Variants in CSMD1 observed in about 807,000 individuals in gnomAD.
CSMD1 encodes the protein CUB and sushi domain-containing protein 1.
In CSMD1, 213 loss-of-function variants were observed where a neutral mutation model predicts 417.5. That is an observed-to-expected ratio of 0.51 (90% CI 0.46 to 0.57). The LOEUF is 0.57. CSMD1 is among the 20% of genes least tolerant of loss of function. The probability of loss-of-function intolerance (pLI) is 0.00; values close to 1 mark genes in which losing one functional copy is unlikely to be tolerated. For missense variants in CSMD1, 6,923 were observed against 4,529.7 expected (o/e 1.53, Z -15.17); for synonymous variants, 2,862 against 1,736.8 (o/e 1.65, Z -16.11).
chr8:4,549,833 G>T (rs1797788780), intron 2 of CSMD1, among the ~76,000 whole-genome samples: 1 of 137,656 alleles, frequency 7.3e-6, no homozygotes, highest in African/African-American at 2.7e-5. Context: ...GGAGGCAGAG[G>T]TTGCAATGAG....
chr8:3,654,526 T>C (rs1447717486), intron 7 of CSMD1, among the ~76,000 whole-genome samples: 1 of 152,130 alleles, frequency 6.6e-6, no homozygotes. Flanking sequence ...TTAGGAGAAC[T>C]TACAAATAAG....
In CSMD1 at chr8:3,838,196, T is replaced by C. The variant is rs1253783730; in HGVS notation, c.819-84154A>G. On this transcript the variant is annotated intron_variant, in intron 5 of 69. Coordinates refer to ENST00000635120, the MANE Select transcript of CSMD1 (RefSeq NM_033225.6). ...GAATCAGACACAGACCCTGCCTTCCTATGGATAGATAACTATGACAGAAAT... is the reference window on the plus strand; with the variant it reads ...GAATCAGACACAGACCCTGCCTTCCCATGGATAGATAACTATGACAGAAAT... Among the ~76,000 whole-genome samples, 5 of 152,006 alleles carry C rather than the reference T, an allele frequency of 3.3e-5. 1 individual carries two copies. The highest frequency in any genetic ancestry group is 3.3e-4 in the Admixed American group (5 of 15,220).
At chr8:4,779,922 C>A (rs2117184155) in intron 1 of CSMD1, among the ~76,000 whole-genome samples, 2 of 151,266 alleles carry the variant, frequency 1.3e-5, no homozygotes, top group South Asian at 2.1e-4. Flanking sequence ...TTTTTTTCTC[C>A]AATAAGAAAA....
chr8:4,730,733 T>C (rs1362190550), intron 1 of CSMD1, among the ~76,000 whole-genome samples: 1 of 149,990 alleles, frequency 6.7e-6, no homozygotes, highest in East Asian at 1.9e-4. Flanking sequence ...AGAGCGAGAC[T>C]CCATTTCAAA....
At chr8:4,117,177 T>C (rs568317506) in intron 3 of CSMD1, among the ~76,000 whole-genome samples, 42 of 152,078 alleles carry the variant, frequency 2.8e-4, no homozygotes, top group Non-Finnish European at 5.7e-4. Flanking sequence ...CTGAGTATTA[T>C]TCATCTCGAT....
chr8:3,700,265 A>T lies in CSMD1; in HGVS notation c.1009+8149T>A, dbSNP rs1379114891. ...CCCAATAACTTATGGAAAAAATACG[A>T]AAAATAATTTTTTACAAAAGAAAAT... On this transcript the variant is annotated intron_variant, in intron 7 of 69. Transcript: ENST00000635120. Among the ~76,000 whole-genome samples, 4 of 152,318 alleles carry T rather than the reference A, an allele frequency of 2.6e-5. No individual in the cohort carries two copies. In the East Asian group the frequency reaches 7.7e-4, roughly 29 times the overall value.
intron 17 of CSMD1, among the ~76,000 whole-genome samples, chr8:3,394,037 T>C (rs1346296711): frequency 1.0e-5 from 1 of 97,420 alleles, no homozygotes; most frequent in Non-Finnish European, 2.3e-5. Context: ...TATATATATA[T>C]ATATATATAT....
At chr8:3,524,006 C>T (rs952449356) in intron 10 of CSMD1, among the ~76,000 whole-genome samples, 4 of 148,022 alleles carry the variant, frequency 2.7e-5, no homozygotes, top group South Asian at 2.2e-4. Context: ...CACATATGCA[C>T]ACATGTGCAC....
At chr8:3,403,151 G>A (rs1179998946) in intron 15 of CSMD1, among the ~76,000 whole-genome samples, 2 of 152,092 alleles carry the variant, frequency 1.3e-5, no homozygotes, top group East Asian at 3.9e-4. Context: ...ATTTGTTAAG[G>A]TTCACTTTGT....
At chr8:3,819,643 G>A (rs534496046) in intron 5 of CSMD1, among the ~76,000 whole-genome samples, 5 of 152,000 alleles carry the variant, frequency 3.3e-5, no homozygotes, top group African/African-American at 9.7e-5. Flanking sequence ...GAGTACAGTG[G>A]AGCAATCATG....
chr8:4,619,528 C>T (rs1458669882), intron 2 of CSMD1, among the ~76,000 whole-genome samples: 5 of 152,074 alleles, frequency 3.3e-5, no homozygotes, highest in African/African-American at 4.8e-5. Context: ...TGAGTCCAAA[C>T]GTTTTGCTAA....
intron 1 of CSMD1, among the ~76,000 whole-genome samples, chr8:4,917,548 C>T (rs1410305485): frequency 2.0e-5 from 3 of 152,156 alleles, no homozygotes; most frequent in Admixed American, 6.5e-5. Context: ...GCAGGAGAAT[C>T]GCTTGAACCC....
intron 26 of CSMD1, among the ~76,000 whole-genome samples, chr8:3,267,551 G>C (rs1801525397): frequency 6.6e-6 from 1 of 152,172 alleles, no homozygotes; most frequent in South Asian, 2.1e-4. Context: ...GGGCCAGGGA[G>C]CTTCCAGCAC....
At chr8:3,606,118 C>T (rs764295069) in intron 8 of CSMD1, among the ~76,000 whole-genome samples, 11 of 152,136 alleles carry the variant, frequency 7.2e-5, no homozygotes, top group Non-Finnish European at 1.5e-4. Context: ...CGGGAAATGA[C>T]AAGAAGCTGG....
In CSMD1 at chr8:3,359,293, G is replaced by A. The variant is rs1387717447; in HGVS notation, c.3163C>T (p.Arg1055Ter). 3 of 1,613,700 alleles carry A rather than the reference G, an allele frequency of 1.9e-6. No individual in the cohort carries two copies. The highest frequency in any genetic ancestry group is 2.5e-6 in the Non-Finnish European group (3 of 1,179,810). ...ACACCAAAGTGAAAACCAATTCTTCGGCTGAAGGCAGGGACTCCAGGATCA... is the reference window on the plus strand; with the variant it reads ...ACACCAAAGTGAAAACCAATTCTTCAGCTGAAGGCAGGGACTCCAGGATCA... ...CDDPGVPAFS[R>*]RIGFHFGVGD... The change falls in exon 21 of 70, where the codon CGA (arginine) becomes TGA (stop). Residue 1055 changes from arginine to a stop codon, truncating the protein, a stop_gained. Transcript: ENST00000635120. LOFTEE classifies it high-confidence loss of function.
intron 10 of CSMD1, among the ~76,000 whole-genome samples, chr8:3,522,965 A>G (rs1008268045): frequency 6.6e-6 from 1 of 150,794 alleles, no homozygotes; most frequent in South Asian, 2.1e-4. Context: ...CTGTCTACTC[A>G]TTTATCTATT....
intron 1 of CSMD1, among the ~76,000 whole-genome samples, chr8:4,927,104 T>TTAA (rs1806921133): frequency 6.7e-6 from 1 of 148,970 alleles, no homozygotes; most frequent in South Asian, 2.1e-4. Context: ...ATTATTATTA[T>TTAA]TATTATTATT....
chr8:4,128,278 A>T (rs1802885170), intron 3 of CSMD1, among the ~76,000 whole-genome samples: 1 of 152,140 alleles, frequency 6.6e-6, no homozygotes, highest in East Asian at 1.9e-4. Flanking sequence ...CATGAGTAAG[A>T]ATGATCTGAG....
chr8:3,088,240 G>T (rs1297578265), intron 48 of CSMD1, among the ~76,000 whole-genome samples: 1 of 152,178 alleles, frequency 6.6e-6, no homozygotes. Context: ...TTTAGACAAA[G>T]AAACTTGCTT....
Sources: allele counts gnomAD v4.1 joint callset (sites outside exome capture counted in the v4.1 genomes callset), GRCh38; gene constraint gnomAD v4.1.1; transcripts MANE v1.5; gene names NCBI Gene and HGNC (gene_info 2026-07-23, HGNC 2026-07-21).